Variants in AGPAT5 observed in about 807,000 individuals in gnomAD.
The protein encoded by AGPAT5 is 1-acyl-sn-glycerol-3-phosphate acyltransferase epsilon.
Under a neutral mutation model 45.6 loss-of-function variants are expected in AGPAT5, and 46 were observed. The ratio of observed to expected loss-of-function variants is 1.01; its 90% confidence interval spans 0.80 to 1.29. AGPAT5 has a LOEUF of 1.29. AGPAT5 is among the 50% of genes most tolerant of loss of function. The pLI, the probability that AGPAT5 is intolerant of heterozygous loss-of-function variation, is 0.00. For synonymous variants in AGPAT5, 272 were observed against 167.0 expected (o/e 1.63, Z -4.85); for missense variants, 673 against 450.7 (o/e 1.49, Z -4.47).
At chr8:6,740,638 G>A (rs941101913) in intron 4 of AGPAT5, among the ~76,000 whole-genome samples, 4 of 151,812 alleles carry the variant, frequency 2.6e-5, no homozygotes, top group African/African-American at 7.2e-5. Flanking sequence ...CTGAAAGTAC[G>A]AAATTTTTAG....
intron 1 of AGPAT5, 21 bp downstream of exon 1, chr8:6,708,908 G>A (rs1800034822): frequency 3.8e-6 from 6 of 1,588,040 alleles, no homozygotes; most frequent in South Asian, 2.2e-5. Flanking sequence ...TCCCGCTCCC[G>A]GGTCTCGGCG....
rs911077298 is a variant in AGPAT5 at position 6,758,186 on chromosome 8, G to C, written c.*798G>C. 1 of 152,444 alleles carries C rather than the reference G, an allele frequency of 6.6e-6. No homozygotes were observed. The highest frequency in any genetic ancestry group is 2.4e-5 in the African/African-American group (1 of 41,420). 9.4% of individuals were successfully genotyped at this position (152,444 alleles called of 1,614,324 possible). ...GTCTGTGCCATAAGTGCTTGAAAAC[G>C]TTAAGGTTTTCTGTTTTGTTTTGTT... On this transcript the variant is annotated 3_prime_UTR_variant, in exon 8 of 8. Transcript: ENST00000285518.
chr8:6,741,733 G>T lies in AGPAT5; in HGVS notation c.568G>T (p.Ala190Ser). 2 of 1,611,828 alleles carry T rather than the reference G, an allele frequency of 1.2e-6. No individual in the cohort carries two copies. Among genetic ancestry groups the T allele is most frequent in the African/African-American group, 2.7e-5 (2 of 74,950 alleles). Residue 190 changes from alanine to serine, a missense_variant, in exon 5 of 8, where the codon GCA becomes TCA. Coordinates refer to ENST00000285518, the MANE Select transcript of AGPAT5 (RefSeq NM_018361.5). ...EQTKVLSASQ[A>S]FAAQRGLAVL... ...AACAAAAGTCCTTTCAGCTAGTCAGGCATTTGCTGCCCAACGTGGTAAGTA... is the reference window on the plus strand; with the variant it reads ...AACAAAAGTCCTTTCAGCTAGTCAGTCATTTGCTGCCCAACGTGGTAAGTA...
intron 6 of AGPAT5, among the ~76,000 whole-genome samples, chr8:6,751,811 C>G (rs1047223038): frequency 6.6e-6 from 1 of 151,958 alleles, no homozygotes; most frequent in African/African-American, 2.4e-5. Flanking sequence ...GTGTATGATC[C>G]TAGTTAAGTT....
chr8:6,718,069 C>G (rs1800389358), intron 1 of AGPAT5, among the ~76,000 whole-genome samples: 1 of 152,222 alleles, frequency 6.6e-6, no homozygotes, highest in South Asian at 2.1e-4. Context: ...ATTTTGAAGA[C>G]AAAATGAGAT....
intron 6 of AGPAT5, among the ~76,000 whole-genome samples, chr8:6,751,318 G>A (rs963217964): frequency 2.6e-5 from 4 of 152,150 alleles, no homozygotes; most frequent in African/African-American, 9.7e-5. Flanking sequence ...TCTGAAGTTG[G>A]TAGATTGTTG....
At chr8:6,743,340 C>G (rs891693889) in intron 5 of AGPAT5, among the ~76,000 whole-genome samples, 1 of 152,214 alleles carries the variant, frequency 6.6e-6, no homozygotes, top group African/African-American at 2.4e-5. Context: ...GTCTCTCTGC[C>G]TAACTCTGGA....
At chr8:6,721,325 A>G (rs1800489863) in intron 1 of AGPAT5, among the ~76,000 whole-genome samples, 1 of 152,254 alleles carries the variant, frequency 6.6e-6, no homozygotes, top group African/African-American at 2.4e-5. Context: ...GAAATTCTTT[A>G]TAGCTGTACT....
At chr8:6,753,937 C>T (rs1010476638) in intron 6 of AGPAT5, among the ~76,000 whole-genome samples, 1 of 152,078 alleles carries the variant, frequency 6.6e-6, no homozygotes, top group African/African-American at 2.4e-5. Context: ...TTAGCAAAAA[C>T]GGGAAGTGTG....
In AGPAT5 at chr8:6,725,041, G is replaced by A. The variant is rs1279351430; in HGVS notation, c.289+102G>A. ...TAAATGAAGTGGGTTTTTTAAAACA[G>A]CAATTTTCTGTGCAGATATTACACC... On this transcript the variant is annotated intron_variant, in intron 2 of 7. Coordinates refer to ENST00000285518, the MANE Select transcript of AGPAT5 (RefSeq NM_018361.5). The A allele has an allele frequency of 5.3e-5, 20 of 376,580 alleles. No individual in the cohort carries two copies. In the Admixed American group the frequency reaches 6.6e-4, roughly 12 times the overall value. 23.3% of individuals were successfully genotyped at this position (376,580 alleles called of 1,614,324 possible). A position where few individuals can be genotyped will look rare whatever the true frequency, so the allele number is the denominator to read the frequency against.
At chr8:6,710,944 C>T (rs1308594331) in intron 1 of AGPAT5, among the ~76,000 whole-genome samples, 2 of 151,930 alleles carry the variant, frequency 1.3e-5, no homozygotes, top group Non-Finnish European at 2.9e-5. Flanking sequence ...TATCAGCTTT[C>T]GTTTGCAAGG....
intron 1 of AGPAT5, among the ~76,000 whole-genome samples, chr8:6,719,619 G>T (rs2911980): frequency 0.74 from 112,472 of 152,060 alleles, 43,019 homozygotes; most frequent in African/African-American, 0.93. Flanking sequence ...AGCATCATTC[G>T]GGAATCATCA....
intron 5 of AGPAT5, among the ~76,000 whole-genome samples, chr8:6,746,411 G>T (rs1429569934): frequency 6.6e-6 from 1 of 152,134 alleles, no homozygotes; most frequent in Non-Finnish European, 1.5e-5. Flanking sequence ...CTAGCTTTCT[G>T]TCTTTATTTC....
At chr8:6,744,603 C>G (rs1309519885) in intron 5 of AGPAT5, among the ~76,000 whole-genome samples, 2 of 152,126 alleles carry the variant, frequency 1.3e-5, no homozygotes, top group African/African-American at 2.4e-5. Flanking sequence ...GGTTCGAGGT[C>G]CTGTGCTGGG....
At position 6,723,881 on chromosome 8, in the gene AGPAT5, C is replaced by G. The variant is rs1167652258; in HGVS notation, c.220-989C>G. ...AGATATTAATAAATAGTGTCATGACCAAAAGATAATCCTTATGGACAAGAT... is the reference window on the plus strand; with the variant it reads ...AGATATTAATAAATAGTGTCATGACGAAAAGATAATCCTTATGGACAAGAT... On this transcript the variant is annotated intron_variant, in intron 1 of 7. Coordinates refer to ENST00000285518, the MANE Select transcript of AGPAT5 (RefSeq NM_018361.5). 2.6e-5 allele frequency among the ~76,000 whole-genome samples: 4 copies of G among 152,116 alleles called. No homozygotes were observed. In the South Asian group the frequency reaches 8.3e-4, roughly 32 times the overall value.
rs1262854729 is a variant in AGPAT5 at position 6,760,245 on chromosome 8, T to C, written c.*2857T>C. 1.3e-5 allele frequency among the ~76,000 whole-genome samples: 2 copies of C among 151,926 alleles called. No homozygotes were observed. Among genetic ancestry groups the C allele is most frequent in the African/African-American group, 4.8e-5 (2 of 41,360 alleles). On this transcript the variant is annotated 3_prime_UTR_variant, in exon 8 of 8. Transcript: ENST00000285518. Reference sequence around the variant, plus strand: ...TGTCTACAAAAAAATTAAAAAAAATTAGCCAGGCATGGTGGCGTACACTGA... The same window carrying C: ...TGTCTACAAAAAAATTAAAAAAAATCAGCCAGGCATGGTGGCGTACACTGA...
intron 6 of AGPAT5, among the ~76,000 whole-genome samples, chr8:6,751,936 T>C (rs967270131): frequency 2.0e-5 from 3 of 151,980 alleles, no homozygotes; most frequent in Admixed American, 1.3e-4. Context: ...CCCAGCATTT[T>C]GGGATGCTGA....
intron 1 of AGPAT5, among the ~76,000 whole-genome samples, chr8:6,710,413 G>A (rs560922253): frequency 1.3e-5 from 2 of 152,280 alleles, no homozygotes; most frequent in South Asian, 4.1e-4. Flanking sequence ...TAATTTTCAT[G>A]CATTTATGAA....
chr8:6,748,123 G>A (rs1039769893), intron 6 of AGPAT5, among the ~76,000 whole-genome samples: 2 of 152,144 alleles, frequency 1.3e-5, no homozygotes, highest in Non-Finnish European at 2.9e-5. Context: ...GGAGGAAGAC[G>A]TGAAGAAGGA....
Sources: gnomAD v4.1 joint callset for allele counts (sites outside exome capture counted in the v4.1 genomes callset) on GRCh38, gnomAD v4.1.1 for gene constraint, MANE v1.5 for transcripts, NCBI Gene and HGNC (gene_info 2026-07-23, HGNC 2026-07-21) for gene names.